Variants in PRKCZ observed in about 807,000 individuals in gnomAD.
PRKCZ encodes the protein protein kinase C zeta.
In PRKCZ, 33 loss-of-function variants were observed where a neutral mutation model predicts 79.5. The ratio of observed to expected loss-of-function variants is 0.41; its 90% confidence interval spans 0.31 to 0.55. PRKCZ has a LOEUF of 0.55. Among genes scored for constraint, PRKCZ ranks in the 20% least tolerant of loss-of-function variants. The probability of loss-of-function intolerance (pLI) is 0.19; values close to 1 mark genes in which losing one functional copy is unlikely to be tolerated. For synonymous variants in PRKCZ, 342 were observed against 320.9 expected (o/e 1.07, Z -0.70); for missense variants, 578 against 813.5 (o/e 0.71, Z 3.52).
intron 4 of PRKCZ, among the ~76,000 whole-genome samples, chr1:2,062,443 C>A (rs1056237715): frequency 6.6e-6 from 1 of 150,862 alleles, no homozygotes; most frequent in Non-Finnish European, 1.5e-5. Flanking sequence ...TTTTTCTATT[C>A]TGGTAAAATG....
intron 4 of PRKCZ, among the ~76,000 whole-genome samples, chr1:2,134,297 T>G (rs1277948183): frequency 1.3e-5 from 2 of 152,368 alleles, no homozygotes; most frequent in East Asian, 3.9e-4. Context: ...TCAGGGCTAG[T>G]CATTTGCTTG....
At chr1:2,079,337 T>C (rs1255368198) in intron 4 of PRKCZ, among the ~76,000 whole-genome samples, 7 of 152,256 alleles carry the variant, frequency 4.6e-5, no homozygotes, top group Non-Finnish European at 1.0e-4. Context: ...TGGGCACCAT[T>C]GTTTTCTTTG....
At chr1:2,113,252 G>C (rs190895025) in intron 4 of PRKCZ, among the ~76,000 whole-genome samples, 2 of 152,214 alleles carry the variant, frequency 1.3e-5, no homozygotes, top group Non-Finnish European at 2.9e-5. Context: ...GGTTTAAAAA[G>C]GCAGCCGCCC....
chr1:2,092,325 A>G (rs1042811769), intron 4 of PRKCZ, among the ~76,000 whole-genome samples: 2 of 152,178 alleles, frequency 1.3e-5, no homozygotes, highest in Non-Finnish European at 2.9e-5. Flanking sequence ...ACCCTGCCCA[A>G]GAGAAGCCCC....
chr1:2,119,051 C>A (rs1029035139), intron 4 of PRKCZ, among the ~76,000 whole-genome samples: 3 of 84,010 alleles, frequency 3.6e-5, no homozygotes, highest in African/African-American at 2.2e-4. Context: ...TGTTTTTATT[C>A]CACTTTCCTC....
chr1:2,163,137 C>T (rs1387169848), intron 10 of PRKCZ, among the ~76,000 whole-genome samples: 2 of 152,252 alleles, frequency 1.3e-5, no homozygotes, highest in African/African-American at 4.8e-5. Context: ...CACTGGACGG[C>T]CCTGTCCTAT....
chr1:2,058,057 C>T (rs75494970), intron 3 of PRKCZ, among the ~76,000 whole-genome samples: 23,762 of 152,128 alleles, frequency 0.16, 2,151 homozygotes, highest in East Asian at 0.25. Context: ...TTAGTAGAGA[C>T]GGAGTTTCAC....
chr1:2,164,447 G>A (rs1682936805), intron 10 of PRKCZ, among the ~76,000 whole-genome samples: 1 of 152,222 alleles, frequency 6.6e-6, no homozygotes, highest in South Asian at 2.1e-4. Flanking sequence ...AGTCCATGTT[G>A]GGTGTGGTAT....
At chr1:2,119,822 T>C (rs1349466028) in intron 4 of PRKCZ, among the ~76,000 whole-genome samples, 1 of 151,534 alleles carries the variant, frequency 6.6e-6, no homozygotes, top group Admixed American at 6.6e-5. Context: ...TTTTTGCTCT[T>C]GTTGCCCAGG....
rs577202157 is a variant in PRKCZ, at chr1:2,173,700, C to T, written c.1286-197C>T. 4.6e-5 allele frequency among the ~76,000 whole-genome samples: 7 copies of T among 152,282 alleles called. No individual in the cohort carries two copies. The South Asian group carries it at 1.0e-3, about 23-fold the overall frequency. ...TGGGAGACCTCCGTAGTGTCAGGGA[C>T]GGTGGCAGGGAGGCCGAGCTGCCAG... is the stretch of plus-strand genomic sequence containing the variant. On this transcript the variant is annotated intron_variant, in intron 13 of 17. Coordinates refer to ENST00000378567, the MANE Select transcript of PRKCZ (RefSeq NM_002744.6). This position sits in a 1 kb window ranked among gnomAD's most constrained non-coding sequence, Gnocchi z 5.7.
chr1:2,136,166 G>A (rs1168533511), intron 5 of PRKCZ, among the ~76,000 whole-genome samples: 12 of 152,140 alleles, frequency 7.9e-5, no homozygotes, highest in Admixed American at 5.9e-4. Context: ...CTCCTGGAGC[G>A]GCCTCAAGTC....
chr1:2,074,031 T>G, intron 4 of PRKCZ: 10 of 1,427,922 alleles, frequency 7.0e-6, no homozygotes, highest in Middle Eastern at 2.5e-4. Flanking sequence ...CGAGTCAGCA[T>G]TTTGGGTCTG....
intron 4 of PRKCZ, among the ~76,000 whole-genome samples, chr1:2,100,564 C>T (rs1667268736): frequency 6.6e-6 from 1 of 152,234 alleles, no homozygotes. Context: ...CTTATGGGTA[C>T]CTTGCAAGTT....
intron 4 of PRKCZ, among the ~76,000 whole-genome samples, chr1:2,096,451 A>G (rs1314641458): frequency 6.6e-6 from 1 of 151,798 alleles, no homozygotes; most frequent in Non-Finnish European, 1.5e-5. Context: ...GGTGGTGTAG[A>G]CGCCAGGAAC....
rs766979028 is a variant in PRKCZ at position 2,148,878 on chromosome 1, A to T, written c.641A>T (p.Tyr214Phe). The T allele has an allele frequency of 6.2e-7, 1 of 1,613,884 alleles. No individual in the cohort carries two copies. The highest frequency in any genetic ancestry group is 8.5e-7 in the Non-Finnish European group (1 of 1,179,864). Residue 214 changes from tyrosine (Y) to phenylalanine (F), a missense_variant, in exon 8 of 18, where the codon TAC (tyrosine) becomes TTC (phenylalanine). By Grantham distance (22) the Tyr-to-Phe change is conservative. Transcript: ENST00000378567. The part of the protein sequence containing the change: ...LPSEETDGIA[Y>F]ISSSRKHDSI... ...TTCCTCCCTCTCTCACCAGTTGCTT[A>T]CATTTCCTCATCCCGGAAGCATGAC...
intron 7 of PRKCZ, among the ~76,000 whole-genome samples, chr1:2,148,012 C>T (rs1055588189): frequency 5.4e-5 from 8 of 147,144 alleles, no homozygotes; most frequent in African/African-American, 1.5e-4. Flanking sequence ...ATCCATCCAT[C>T]TATTGTCCAC....
intron 4 of PRKCZ, among the ~76,000 whole-genome samples, chr1:2,079,413 A>C (rs34314914): frequency 2.0e-5 from 3 of 152,132 alleles, no homozygotes; most frequent in Admixed American, 1.3e-4. Context: ...GCACAGTTTG[A>C]GCTGGGACTC....
At chr1:2,155,869 C>T in intron 9 of PRKCZ, 126 bp from the exon 10 acceptor site, 1 of 810,378 alleles carries the variant, frequency 1.2e-6, no homozygotes, top group South Asian at 1.5e-5. Context: ...TGGGTGTTTT[C>T]TTTTCCTGTC....
chr1:2,184,190 G>C, intron 16 of PRKCZ: 2 of 196,696 alleles, frequency 1.0e-5, no homozygotes, highest in South Asian at 1.7e-4. Flanking sequence ...AGCGCAGGCA[G>C]GGTGCTGTGG....
Sources: allele counts gnomAD v4.1 joint callset (sites outside exome capture counted in the v4.1 genomes callset), GRCh38; gene constraint gnomAD v4.1.1; non-coding constraint Gnocchi (gnomAD v3.1); transcripts MANE v1.5; gene names NCBI Gene and HGNC (gene_info 2026-07-23, HGNC 2026-07-21).